Variants in KDM4C observed in about 807,000 individuals in gnomAD.
The protein encoded by KDM4C is lysine-specific demethylase 4C.
In KDM4C, 81 loss-of-function variants were observed where a neutral mutation model predicts 129.3. The ratio of observed to expected loss-of-function variants is 0.63; its 90% CI spans 0.52 to 0.75. The LOEUF (loss-of-function observed/expected upper bound fraction) is 0.75. KDM4C is among the 30% of genes least tolerant of loss of function. The probability of loss-of-function intolerance (pLI) is 0.00; values close to 1 mark genes in which losing one functional copy is unlikely to be tolerated. For synonymous variants in KDM4C, 573 were observed against 456.1 expected (o/e 1.26, Z -3.26); for missense variants, 1,457 against 1,304.0 (o/e 1.12, Z -1.81).
At chr9:6,863,514 G>T (rs1157976077) in intron 5 of KDM4C, among the ~76,000 whole-genome samples, 1 of 151,868 alleles carries the variant, frequency 6.6e-6, no homozygotes, top group African/African-American at 2.4e-5. Flanking sequence ...GAGAGAGAAG[G>T]GGCTGGGCAC....
At chr9:6,873,118 T>C (rs1843012908) in intron 5 of KDM4C, among the ~76,000 whole-genome samples, 1 of 152,118 alleles carries the variant, frequency 6.6e-6, no homozygotes, top group Non-Finnish European at 1.5e-5. Context: ...CTGCCCAGAC[T>C]CCCGATTAGC....
chr9:7,102,854 C>G (rs181306829), intron 17 of KDM4C, among the ~76,000 whole-genome samples: 43 of 152,278 alleles, frequency 2.8e-4, no homozygotes, highest in Non-Finnish European at 4.0e-4. Flanking sequence ...TGTTTTTCCA[C>G]AACCATTTTT....
intron 8 of KDM4C, among the ~76,000 whole-genome samples, chr9:6,948,957 C>G (rs1472020950): frequency 6.6e-6 from 1 of 150,592 alleles, no homozygotes; most frequent in Non-Finnish European, 1.5e-5. Flanking sequence ...TTCGACGAAA[C>G]CGCCATCGTC....
intron 1 of KDM4C, among the ~76,000 whole-genome samples, chr9:6,771,772 TG>T (rs1467974735): frequency 2.6e-5 from 4 of 152,212 alleles, no homozygotes; most frequent in African/African-American, 9.6e-5. Context: ...CACAGCTGGG[TG>T]CAGGGGCAGT....
chr9:6,899,366 T>C (rs894355535), intron 8 of KDM4C, among the ~76,000 whole-genome samples: 2 of 152,176 alleles, frequency 1.3e-5, no homozygotes, highest in Non-Finnish European at 2.9e-5. Context: ...TTTAAACTTT[T>C]ATTTTTTAAG....
intron 17 of KDM4C, among the ~76,000 whole-genome samples, chr9:7,094,966 C>A (rs1564109715): frequency 6.6e-6 from 1 of 152,152 alleles, no homozygotes; most frequent in Non-Finnish European, 1.5e-5. Context: ...GGAAGACTAC[C>A]CCAGCGTAGC....
chr9:6,958,610 T>A (rs1369643340), intron 8 of KDM4C, among the ~76,000 whole-genome samples: 4 of 151,728 alleles, frequency 2.6e-5, no homozygotes, highest in Admixed American at 2.0e-4. Flanking sequence ...CGTATCACAC[T>A]GAGTAAGGAA....
chr9:7,122,187 G>A (rs1839552475), intron 18 of KDM4C, among the ~76,000 whole-genome samples: 1 of 151,620 alleles, frequency 6.6e-6, no homozygotes, highest in Non-Finnish European at 1.5e-5. Flanking sequence ...CAAAGGGGAA[G>A]CAGCTCATCT....
At chr9:6,950,713 C>T (rs1183059826) in intron 8 of KDM4C, among the ~76,000 whole-genome samples, 1 of 152,152 alleles carries the variant, frequency 6.6e-6, no homozygotes, top group Non-Finnish European at 1.5e-5. Context: ...TTATCATTTA[C>T]ATAAAAGTTG....
intron 18 of KDM4C, among the ~76,000 whole-genome samples, chr9:7,106,596 A>T (rs755207427): frequency 1.1e-4 from 17 of 152,188 alleles, no homozygotes; most frequent in Non-Finnish European, 1.8e-4. Flanking sequence ...TATTTGCTAT[A>T]AAGCATCCAA....
intron 1 of KDM4C, among the ~76,000 whole-genome samples, chr9:6,789,218 A>ATTTTTTTTTT: frequency 8.5e-6 from 1 of 117,308 alleles, no homozygotes; most frequent in African/African-American, 3.4e-5. Flanking sequence ...CGCCTGGCTA[A>ATTTTTTTTTT]TTTTTTTTTT....
At chr9:7,085,664 T>C (rs1400086432) in intron 17 of KDM4C, among the ~76,000 whole-genome samples, 1 of 152,150 alleles carries the variant, frequency 6.6e-6, no homozygotes, top group African/African-American at 2.4e-5. Context: ...GAGAGGGTTT[T>C]TTTATATTTT....
At chr9:6,847,424 A>G (rs1188234276) in intron 4 of KDM4C, among the ~76,000 whole-genome samples, 1 of 151,486 alleles carries the variant, frequency 6.6e-6, no homozygotes, top group Admixed American at 6.6e-5. Context: ...TTTGAGACGG[A>G]GTCTTGCTCT....
intron 17 of KDM4C, among the ~76,000 whole-genome samples, chr9:7,066,645 G>C (rs1230682851): frequency 6.6e-6 from 1 of 152,080 alleles, no homozygotes; most frequent in African/African-American, 2.4e-5. Context: ...AAATTATTCA[G>C]AGCTCAGAGG....
At chr9:7,027,118 A>T (rs1029763548) in intron 15 of KDM4C, among the ~76,000 whole-genome samples, 2 of 151,976 alleles carry the variant, frequency 1.3e-5, no homozygotes, top group Non-Finnish European at 2.9e-5. Flanking sequence ...TGGTGAGATC[A>T]TGTTTTCCTG....
At chr9:6,858,883 T>C (rs992378947) in intron 5 of KDM4C, among the ~76,000 whole-genome samples, 4 of 151,980 alleles carry the variant, frequency 2.6e-5, no homozygotes, top group Non-Finnish European at 4.4e-5. Flanking sequence ...CTACTTAATG[T>C]CATTGTTTAG....
At chr9:6,852,039 G>A (rs1240006633) in intron 5 of KDM4C, among the ~76,000 whole-genome samples, 1 of 152,062 alleles carries the variant, frequency 6.6e-6, no homozygotes, top group Non-Finnish European at 1.5e-5. Flanking sequence ...ATAAAATGTA[G>A]TAGTGAGTTG....
At chr9:6,993,731 C>T (rs1478900528) in intron 12 of KDM4C, among the ~76,000 whole-genome samples, 8 of 152,156 alleles carry the variant, frequency 5.3e-5, no homozygotes, top group Admixed American at 1.3e-4. Context: ...CACTGAAGGG[C>T]GGCCAGCTTA....
At chr9:6,763,502 C>G (rs763132715) in intron 1 of KDM4C, among the ~76,000 whole-genome samples, 1 of 152,186 alleles carries the variant, frequency 6.6e-6, no homozygotes, top group South Asian at 2.1e-4. Context: ...CCTCCCTACC[C>G]TCATGCAAGC....
Sources: allele counts gnomAD v4.1 joint callset (sites outside exome capture counted in the v4.1 genomes callset), GRCh38; gene constraint gnomAD v4.1.1; transcripts MANE v1.5; gene names NCBI Gene and HGNC (gene_info 2026-07-23, HGNC 2026-07-21).